TENM2: variants seen among roughly 807,000 people sequenced by gnomAD.
TENM2 encodes the protein teneurin transmembrane protein 2, also known as teneurin-2.
A neutral mutation model predicts 245.2 loss-of-function variants in TENM2; 52 were observed. The observed-to-expected ratio is 0.21, with a 90% CI of 0.17 to 0.27. TENM2 has a LOEUF of 0.27. Ranked by LOEUF, TENM2 falls within the 10% of genes least tolerant of loss-of-function variation. The pLI is 1.00. For missense variants in TENM2, 3,046 were observed against 3,666.8 expected (o/e 0.83, Z 4.37); for synonymous variants, 1,363 against 1,438.9 (o/e 0.95, Z 1.19).
At chr5:167,016,401 T>C in the TENM2 span, among the ~76,000 whole-genome samples, 1 of 152,038 alleles carries the variant, frequency 6.6e-6, no homozygotes, top group East Asian at 1.9e-4. Context: ...CTCTATTTAA[T>C]TTCTGGTTTT....
chr5:167,526,020 A>T (rs1771083488), intron 2 of TENM2, among the ~76,000 whole-genome samples: 1 of 152,034 alleles, frequency 6.6e-6, no homozygotes, highest in Non-Finnish European at 1.5e-5. Flanking sequence ...TATGTTATGC[A>T]TATTCAGAAA....
At chr5:167,038,744 AC>A in the TENM2 span, among the ~76,000 whole-genome samples, 2 of 152,162 alleles carry the variant, frequency 1.3e-5, no homozygotes, top group African/African-American at 4.8e-5. Flanking sequence ...TCAACTTAAC[AC>A]TTACCTCTTT....
At chr5:167,743,504 A>G (rs1761345271) in intron 2 of TENM2, among the ~76,000 whole-genome samples, 2 of 152,250 alleles carry the variant, frequency 1.3e-5, no homozygotes, top group African/African-American at 4.8e-5. Flanking sequence ...TTAAATAAAT[A>G]AATAAGTTTT....
intron 12 of TENM2, among the ~76,000 whole-genome samples, chr5:168,156,266 A>AAAAAAAAAAAAAC (rs1554210115): frequency 6.7e-6 from 1 of 148,366 alleles, no homozygotes; most frequent in African/African-American, 2.5e-5. Flanking sequence ...AAAAAAAAAA[A>AAAAAAAAAAAAAC]CACTTTTTTT....
chr5:167,888,729 C>G (rs1774497978), intron 3 of TENM2, among the ~76,000 whole-genome samples: 1 of 152,072 alleles, frequency 6.6e-6, no homozygotes, highest in Non-Finnish European at 1.5e-5. Context: ...CCTTTGATTC[C>G]CCCAGGGCCA....
chr5:167,291,182 AT>A (rs1754615381), intron 1 of TENM2, among the ~76,000 whole-genome samples: 1 of 152,134 alleles, frequency 6.6e-6, no homozygotes, highest in Non-Finnish European at 1.5e-5. Context: ...CTCAGTGGAA[AT>A]TCCCCAGAGT....
the TENM2 span, among the ~76,000 whole-genome samples, chr5:167,249,630 C>T: frequency 6.6e-6 from 1 of 152,016 alleles, no homozygotes; most frequent in African/African-American, 2.4e-5. Flanking sequence ...ATCTTGTTGT[C>T]ATTTAAGGAA....
intron 2 of TENM2, among the ~76,000 whole-genome samples, chr5:167,784,919 A>G (rs931182648): frequency 1.6e-4 from 25 of 151,992 alleles, no homozygotes; most frequent in African/African-American, 5.8e-4. Context: ...AATTTATTCA[A>G]CTCCAAATGA....
intron 2 of TENM2, among the ~76,000 whole-genome samples, chr5:167,741,058 G>A (rs186848844): frequency 1.1e-4 from 17 of 152,232 alleles, no homozygotes; most frequent in East Asian, 5.8e-4. Context: ...CTATAGCTGC[G>A]TCTTGTCCTT....
In TENM2 at chr5:168,262,039, A is replaced by C. The variant is rs371054840; in HGVS notation, c.7564-10A>C. 1 of 1,605,368 alleles carries C rather than the reference A, an allele frequency of 6.2e-7. No homozygotes were observed. The highest frequency in any genetic ancestry group is 8.5e-7 in the Non-Finnish European group (1 of 1,173,710). ...TCTTCTCAGCTTTCTCTGTTTTCTT[A>C]TCCCCACAGCTCATTACAGGTGTCC... is the stretch of plus-strand genomic sequence containing the variant. On this transcript the variant is annotated splice_polypyrimidine_tract_variant and intron_variant, in intron 28 of 28. Transcript: ENST00000518659.
chr5:167,231,935 C>A, the TENM2 span, among the ~76,000 whole-genome samples: 2 of 152,194 alleles, frequency 1.3e-5, no homozygotes, highest in South Asian at 2.1e-4. Context: ...TGCATGCCAG[C>A]TGTGGCTTAA....
At chr5:168,066,652 C>A (rs1790531370) in intron 7 of TENM2, among the ~76,000 whole-genome samples, 1 of 152,076 alleles carries the variant, frequency 6.6e-6, no homozygotes, top group Non-Finnish European at 1.5e-5. Flanking sequence ...GCTTTAAATG[C>A]AGCAGTTTTG....
At chr5:168,220,476 A>G (rs1763573395) in intron 23 of TENM2, among the ~76,000 whole-genome samples, 1 of 152,204 alleles carries the variant, frequency 6.6e-6, no homozygotes, top group African/African-American at 2.4e-5. Flanking sequence ...TGTGTTTTAA[A>G]ATGTTCAGAA....
intron 9 of TENM2, among the ~76,000 whole-genome samples, chr5:168,105,607 G>A (rs1483387572): frequency 6.6e-6 from 1 of 152,114 alleles, no homozygotes; most frequent in Non-Finnish European, 1.5e-5. Flanking sequence ...TAGCATCAGG[G>A]AATACGGAGA....
chr5:167,481,373 A>C (rs1474850680), intron 2 of TENM2, among the ~76,000 whole-genome samples: 1 of 152,206 alleles, frequency 6.6e-6, no homozygotes. Context: ...TAGCTGAAAA[A>C]TCAAAACTGG....
chr5:167,846,927 G>T (rs1770096463), intron 2 of TENM2, among the ~76,000 whole-genome samples: 1 of 150,908 alleles, frequency 6.6e-6, no homozygotes, highest in Admixed American at 6.7e-5. Flanking sequence ...CTTCCTTTTG[G>T]ATTGGACCAC....
At chr5:167,223,983 T>G in the TENM2 span, among the ~76,000 whole-genome samples, 1 of 152,212 alleles carries the variant, frequency 6.6e-6, no homozygotes, top group Non-Finnish European at 1.5e-5. Context: ...GCCATTTGTA[T>G]GCCTCCTATT....
chr5:167,067,667 A>G, the TENM2 span, among the ~76,000 whole-genome samples: 4 of 152,202 alleles, frequency 2.6e-5, no homozygotes, highest in African/African-American at 9.6e-5. Context: ...TTGGCTGCCC[A>G]TAATTTCTTT....
chr5:167,345,892 C>CAAAAAAAA (rs57279945), intron 1 of TENM2, among the ~76,000 whole-genome samples: 3 of 67,960 alleles, frequency 4.4e-5, no homozygotes, highest in Admixed American at 1.2e-4. Context: ...AACATACAGC[C>CAAAAAAAA]AAAAAAAAAA....
Sources: gnomAD v4.1 joint callset for allele counts (sites outside exome capture counted in the v4.1 genomes callset) on GRCh38, gnomAD v4.1.1 for gene constraint, MANE v1.5 for transcripts, NCBI Gene and HGNC (gene_info 2026-07-23, HGNC 2026-07-21) for gene names.